Variants in YJU2B observed in about 807,000 individuals in gnomAD.
YJU2B encodes probable splicing factor YJU2B.
A neutral mutation model predicts 38.0 loss-of-function variants in YJU2B; 18 were observed. The ratio of observed to expected loss-of-function variants is 0.47; its 90% CI spans 0.33 to 0.70. YJU2B has a LOEUF of 0.70. Among genes scored for constraint, YJU2B ranks in the 30% least tolerant of loss-of-function variants. YJU2B has a pLI of 0.02. For synonymous variants in YJU2B, 246 were observed against 225.4 expected (o/e 1.09, Z -0.82); for missense variants, 538 against 556.3 (o/e 0.97, Z 0.33).
chr19:13,755,493 TG>T (rs1973632143), intron 3 of YJU2B, among the ~76,000 whole-genome samples: 1 of 150,668 alleles, frequency 6.6e-6, no homozygotes, highest in Admixed American at 6.6e-5. Context: ...GTGATGCACA[TG>T]AAGTCCCCAG....
At chr19:13,751,430 C>T (rs1386270390) in intron 1 of YJU2B, among the ~76,000 whole-genome samples, 178 bp from the exon 2 acceptor site, 1 of 151,982 alleles carries the variant, frequency 6.6e-6, no homozygotes, top group Admixed American at 6.6e-5. Context: ...CAAAAAGATC[C>T]CCTGGGCAGC....
At chr19:13,752,533 C>G (rs1973508457) in intron 2 of YJU2B, among the ~76,000 whole-genome samples, 1 of 152,030 alleles carries the variant, frequency 6.6e-6, no homozygotes, top group South Asian at 2.1e-4. Context: ...CACCTGAGGT[C>G]AGGAGTTTGA....
intron 8 of YJU2B, among the ~76,000 whole-genome samples, chr19:13,760,388 CT>C (rs1359710256): frequency 1.3e-5 from 2 of 152,132 alleles, no homozygotes; most frequent in East Asian, 3.8e-4. Flanking sequence ...CTTGAGCCTC[CT>C]TTTATAAGTC....
chr19:13,745,682 G>GATAGATAGATAGATAGATAGAT (rs1555699802), upstream of YJU2B, among the ~76,000 whole-genome samples: 83 of 43,942 alleles, frequency 1.9e-3, no homozygotes, highest in African/African-American at 7.2e-3. Flanking sequence ...TAGATAGATA[G>GATAGATAGATAGATAGATAGAT]ATAGATAGAT....
Position 13,759,227 on chromosome 19 carries a change from GA to G in YJU2B, c.530del (p.Lys177ArgfsTer37), listed in dbSNP as rs773681167. The G allele has an allele frequency of 6.2e-7, 1 of 1,613,402 alleles. No homozygotes were observed. The highest frequency in any genetic ancestry group is 2.2e-5 in the East Asian group (1 of 44,838). ...SHIQEAQSAW[K>X]DDFALNSMLR... Reference sequence around the variant, plus strand: ...ACATCCAGGAGGCCCAGAGCGCCTGGAAGGACGACTTCGCCCTCAACAGCAT... The same window carrying G: ...ACATCCAGGAGGCCCAGAGCGCCTGGAGGACGACTTCGCCCTCAACAGCAT... On this transcript the variant is annotated frameshift_variant, in exon 8 of 10. Transcript: ENST00000221554. LOFTEE classifies it high-confidence loss of function.
At chr19:13,734,050 C>G (rs1972884622) in intron 2 of YJU2B, among the ~76,000 whole-genome samples, 1 of 152,068 alleles carries the variant, frequency 6.6e-6, no homozygotes, top group Non-Finnish European at 1.5e-5. Context: ...ACTTCAGCCT[C>G]CCTAGTAGCT....
At chr19:13,741,148 TTTC>T (rs1399470426) in intron 2 of YJU2B, among the ~76,000 whole-genome samples, 8 of 138,140 alleles carry the variant, frequency 5.8e-5, no homozygotes, top group Non-Finnish European at 1.1e-4. Context: ...CTTTTATAGA[TTTC>T]TTTTTTTTTT....
intron 3 of YJU2B, among the ~76,000 whole-genome samples, chr19:13,755,163 C>CAA (rs1043821281): frequency 0.061 from 3,482 of 57,148 alleles, 261 homozygotes; most frequent in African/African-American, 0.17. Context: ...GACCCTGCCT[C>CAA]AAAAAAAAAA....
chr19:13,733,684 G>A (rs1197386504), intron 2 of YJU2B, among the ~76,000 whole-genome samples: 2 of 152,232 alleles, frequency 1.3e-5, no homozygotes, highest in Admixed American at 6.5e-5. Flanking sequence ...TCATGCCATT[G>A]CACTCCAACC....
intron 5 of YJU2B, 89 bp from the exon 6 acceptor site, chr19:13,757,697 G>A: frequency 7.3e-7 from 1 of 1,362,444 alleles, no homozygotes; most frequent in Admixed American, 1.7e-5. Context: ...CCCTCAGCAA[G>A]TGACAGTGAG....
chr19:13,732,451 T>TGCTA (rs1373234485), intron 2 of YJU2B: 1 of 151,916 alleles, frequency 6.6e-6, no homozygotes, highest in African/African-American at 2.4e-5. Context: ...AGCTCAAAGA[T>TGCTA]GCTAACCTTG....
rs747048987 is a variant in YJU2B at position 13,757,851 on chromosome 19, G to A, written c.257+5G>A. On this transcript the variant is annotated splice_donor_5th_base_variant and intron_variant, in intron 6 of 9. Coordinates refer to ENST00000221554, the MANE Select transcript of YJU2B (RefSeq NM_030818.4). ...CTACACAACCCCGATCTACAGGTAA[G>A]GGCGGCTTGGTGGCATCTTGGGAAC... 45 of 1,613,592 alleles carry A rather than the reference G, an allele frequency of 2.8e-5. 2 individuals carry two copies. The South Asian group carries it at 4.8e-4, about 17-fold the overall frequency.
intron 3 of YJU2B, among the ~76,000 whole-genome samples, chr19:13,755,638 G>T (rs1032332480): frequency 1.3e-5 from 2 of 151,846 alleles, no homozygotes; most frequent in Non-Finnish European, 2.9e-5. Flanking sequence ...ACTCGCCCAG[G>T]GTCCCCTGGC....
At chr19:13,762,233 C>G in intron 8 of YJU2B, 66 bp from the exon 9 acceptor site, 2 of 1,565,322 alleles carry the variant, frequency 1.3e-6, no homozygotes, top group African/African-American at 2.8e-5. Flanking sequence ...AGCAGTGCCC[C>G]CTAGTACACA....
In YJU2B at chr19:13,762,288, C is replaced by G; in HGVS notation, c.574-11C>G. Reference sequence around the variant, plus strand: ...ACCCCCTATCTCTGGTGTTCTTGGCCCTCAACACAGGAAAAGAAAAAAGCC... The same window carrying G: ...ACCCCCTATCTCTGGTGTTCTTGGCGCTCAACACAGGAAAAGAAAAAAGCC... On this transcript the variant is annotated splice_polypyrimidine_tract_variant and intron_variant, in intron 8 of 9. Coordinates refer to ENST00000221554, the MANE Select transcript of YJU2B (RefSeq NM_030818.4). The G allele has an allele frequency of 6.2e-7, 1 of 1,612,818 alleles. No individual in the cohort carries two copies. The highest frequency in any genetic ancestry group is 8.5e-7 in the Non-Finnish European group (1 of 1,179,794).
chr19:13,746,299 G>T (rs1356478661), upstream of YJU2B, among the ~76,000 whole-genome samples: 1 of 151,980 alleles, frequency 6.6e-6, no homozygotes, highest in East Asian at 1.9e-4. Flanking sequence ...AGAAGGCAGG[G>T]CCAGGCTAAT....
At chr19:13,762,188 G>A in intron 8 of YJU2B, 111 bp from the exon 9 acceptor site, 1 of 1,297,796 alleles carries the variant, frequency 7.7e-7, no homozygotes, top group South Asian at 1.4e-5. Flanking sequence ...GAATGAAACT[G>A]TCTCAAAAAG....
chr19:13,762,983 A>C lies in YJU2B; in HGVS notation c.1106A>C (p.Glu369Ala). The C allele has an allele frequency of 1.9e-6, 3 of 1,610,182 alleles. No homozygotes were observed. The highest frequency in any genetic ancestry group is 2.5e-6 in the Non-Finnish European group (3 of 1,178,578). Residue 369 changes from glutamate to alanine, a missense_variant, in exon 10 of 10, where the codon GAG becomes GCG. Glu to Ala is a moderately radical substitution (Grantham distance 107). This residue lies in a region of YJU2B where 488 missense variants were observed against 469.5 expected (regional missense o/e 1.04). Coordinates refer to ENST00000221554, the MANE Select transcript of YJU2B (RefSeq NM_030818.4). The part of the protein sequence containing the change: ...KPLSPAGSSQ[E>A]AADTPDTRHP... ...CTGTCGCCAGCAGGCTCCTCCCAGG[A>C]GGCAGCTGACACCCCCGACACGCGG...
chr19:13,762,959 T>C lies in YJU2B; in HGVS notation c.1082T>C (p.Leu361Pro), dbSNP rs759720626. ...GQEGSRQDKP[L>P]SPAGSSQEAA... ...GAAGGGAGCCGTCAGGACAAGCCCC[T>C]GTCGCCAGCAGGCTCCTCCCAGGAG... Residue 361 changes from leucine to proline, a missense_variant, in exon 10 of 10, where the codon CTG (leucine) becomes CCG (proline). Physicochemically the swap from Leu to Pro is moderately conservative, Grantham distance 98 (BLOSUM62 -3). Coordinates refer to ENST00000221554, the MANE Select transcript of YJU2B (RefSeq NM_030818.4). 24 of 1,611,858 alleles carry C rather than the reference T, an allele frequency of 1.5e-5. No homozygotes were observed. Among genetic ancestry groups the C allele is most frequent in the South Asian group, 1.2e-4 (11 of 90,974 alleles).
Sources: allele counts gnomAD v4.1 joint callset (sites outside exome capture counted in the v4.1 genomes callset), GRCh38; gene constraint gnomAD v4.1.1; regional missense constraint gnomAD v4.1.1; transcripts MANE v1.5; gene names NCBI Gene and HGNC (gene_info 2026-07-23, HGNC 2026-07-21).